DLGAP2: variants seen among roughly 807,000 people sequenced by gnomAD.
The protein encoded by DLGAP2 is disks large-associated protein 2.
Under a neutral mutation model 100.3 loss-of-function variants are expected in DLGAP2, and 26 were observed. That is an observed-to-expected ratio of 0.26 (90% CI 0.19 to 0.36). DLGAP2 has a LOEUF of 0.36. Among genes scored for constraint, DLGAP2 ranks in the 10% least tolerant of loss-of-function variants. The pLI is 1.00. For synonymous variants in DLGAP2, 886 were observed against 630.1 expected, an observed-to-expected ratio of 1.41 and a Z score of -6.08; for missense variants, 1,858 against 1,453.2, an observed-to-expected ratio of 1.28 and a Z score of -4.53.
intron 2 of DLGAP2, among the ~76,000 whole-genome samples, chr8:1,154,938 G>A (rs1383261050): frequency 6.6e-6 from 1 of 152,286 alleles, no homozygotes; most frequent in East Asian, 1.9e-4. Flanking sequence ...TCTTCTTACT[G>A]TTTCTCCTCA....
At chr8:1,420,940 G>A (rs1286690837) in intron 3 of DLGAP2, among the ~76,000 whole-genome samples, 2 of 152,108 alleles carry the variant, frequency 1.3e-5, no homozygotes, top group Non-Finnish European at 2.9e-5. Flanking sequence ...CATTCGATTG[G>A]CTGTTTTGAG....
rs1414869481 is a variant in DLGAP2 at position 1,501,366 on chromosome 8, A to C, written c.107A>C (p.Glu36Ala). The change falls in exon 4 of 15, where the codon GAG (glutamate) becomes GCG (alanine). Residue 36 changes from glutamate to alanine, a missense_variant and splice_region_variant. Glu to Ala is a moderately radical substitution (Grantham distance 107). Transcript: ENST00000637795. ...AGTGACTTTGTTTCTGTCTTTGCAG[A>C]GGAAGAAGCTGGAGACTTGGTCCAG... is the stretch of plus-strand genomic sequence containing the variant. Reference protein sequence around the residue: ...SQCTLCGEPEEEEAGDLVQPG... With the variant: ...SQCTLCGEPEAEEAGDLVQPG... 1 of 1,535,906 alleles carries C rather than the reference A, an allele frequency of 6.5e-7. No homozygotes were observed. Among genetic ancestry groups the C allele is most frequent in the East Asian group, 2.4e-5 (1 of 40,902 alleles).
chr8:1,585,417 T>C (rs965007204), intron 6 of DLGAP2, among the ~76,000 whole-genome samples: 1 of 152,138 alleles, frequency 6.6e-6, no homozygotes, highest in African/African-American at 2.4e-5. Context: ...TGAGCTGAGA[T>C]TGCACCACTG....
At chr8:937,268 T>C (rs190784336) in intron 2 of DLGAP2, among the ~76,000 whole-genome samples, 1 of 152,316 alleles carries the variant, frequency 6.6e-6, no homozygotes, top group Non-Finnish European at 1.5e-5. Flanking sequence ...GGGCATGCTG[T>C]TTCTTATGGA....
intron 2 of DLGAP2, among the ~76,000 whole-genome samples, chr8:1,237,147 C>A (rs1487035730): frequency 7.2e-6 from 1 of 139,626 alleles, no homozygotes; most frequent in African/African-American, 2.9e-5. Context: ...GTCTAGTTCT[C>A]TCACATGGCG....
chr8:975,046 A>C (rs1027719341), intron 2 of DLGAP2, among the ~76,000 whole-genome samples: 30 of 152,338 alleles, frequency 2.0e-4, no homozygotes, highest in African/African-American at 7.2e-4. Context: ...CGAAATCAGA[A>C]ATGAAAGAAG....
chr8:1,024,269 CACCACCCACCCTCCCT>C lies in DLGAP2; in HGVS notation c.73+116304_73+116319del, dbSNP rs1297950776. ...CCCGTGCCGAGGCAGACACCCCAGC[CACCACCCACCCTCCCT>C]GGGGGTGGACAGTCCCGTGCCGAGG... On this transcript the variant is annotated intron_variant, in intron 2 of 14. Coordinates refer to ENST00000637795, the MANE Select transcript of DLGAP2 (RefSeq NM_001346810.2). Among the ~76,000 whole-genome samples the C allele has an allele frequency of 1.6e-3, 223 of 138,698 alleles. 13 individuals are homozygous for C. The highest frequency in any genetic ancestry group is 3.8e-3 in the Admixed American group (52 of 13,750). 91.0% of individuals were successfully genotyped at this position (138,698 alleles called of 152,430 possible). A position where few individuals can be genotyped will look rare whatever the true frequency, so the allele number is the denominator to read the frequency against.
intron 2 of DLGAP2, among the ~76,000 whole-genome samples, chr8:1,244,148 A>G (rs1798857966): frequency 6.6e-6 from 1 of 152,206 alleles, no homozygotes; most frequent in African/African-American, 2.4e-5. Context: ...GGGCTCCTGT[A>G]CATGCCAGAG....
intron 1 of DLGAP2, among the ~76,000 whole-genome samples, chr8:760,445 A>T (rs1279968685): frequency 6.6e-6 from 1 of 152,152 alleles, no homozygotes; most frequent in African/African-American, 2.4e-5. Context: ...GTCCGTCTTC[A>T]AATAATTTCC....
rs1361214275 is a variant in DLGAP2, at chr8:791,123, C to T, written c.18+53298C>T. ...TTTTCTTATTTGCTTAATTTTTCCC[C>T]GAATTTTAAAAATAATGCAAGCACA... On this transcript the variant is annotated intron_variant, in intron 1 of 14. Coordinates refer to ENST00000637795, the MANE Select transcript of DLGAP2 (RefSeq NM_001346810.2). Among the ~76,000 whole-genome samples the T allele has an allele frequency of 7.2e-5, 11 of 152,052 alleles. 1 individual carries two copies. The highest frequency in any genetic ancestry group is 2.7e-4 in the African/African-American group (11 of 41,392).
At chr8:1,142,704 G>T (rs1275905049) in intron 2 of DLGAP2, among the ~76,000 whole-genome samples, 1 of 152,110 alleles carries the variant, frequency 6.6e-6, no homozygotes, top group Non-Finnish European at 1.5e-5. Flanking sequence ...GGGCAGGACG[G>T]GGCTGCCATT....
At chr8:1,339,520 C>A (rs1463207796) in intron 3 of DLGAP2, among the ~76,000 whole-genome samples, 7 of 152,250 alleles carry the variant, frequency 4.6e-5, no homozygotes, top group African/African-American at 7.2e-5. Context: ...TCCCCTGACA[C>A]CCCCAGTGGG....
intron 1 of DLGAP2, among the ~76,000 whole-genome samples, chr8:784,215 T>A (rs1365856864): frequency 6.6e-6 from 1 of 152,230 alleles, no homozygotes; most frequent in Non-Finnish European, 1.5e-5. Flanking sequence ...TCATCAAAAT[T>A]TATAATTATA....
At chr8:1,051,418 T>G (rs1802708147) in intron 2 of DLGAP2, among the ~76,000 whole-genome samples, 1 of 152,090 alleles carries the variant, frequency 6.6e-6, no homozygotes, top group Non-Finnish European at 1.5e-5. Flanking sequence ...TACCCTCAGA[T>G]GCAAAATGAT....
At chr8:749,574 T>G (rs1820740562) in intron 1 of DLGAP2, among the ~76,000 whole-genome samples, 1 of 152,250 alleles carries the variant, frequency 6.6e-6, no homozygotes, top group South Asian at 2.1e-4. Flanking sequence ...ATTAAAACTT[T>G]CCCCTATTGT....
intron 6 of DLGAP2, among the ~76,000 whole-genome samples, chr8:1,606,980 C>T (rs753452596): frequency 6.6e-6 from 1 of 152,168 alleles, no homozygotes; most frequent in South Asian, 2.1e-4. Context: ...CCACAGCACC[C>T]GGCCTCCTGT....
intron 2 of DLGAP2, among the ~76,000 whole-genome samples, chr8:1,207,701 C>T (rs1255568681): frequency 6.6e-6 from 1 of 152,116 alleles, no homozygotes; most frequent in Non-Finnish European, 1.5e-5. Context: ...AGAAGTGTTC[C>T]CTGTTTACCA....
intron 1 of DLGAP2, among the ~76,000 whole-genome samples, chr8:841,736 A>G (rs1392546838): frequency 1.3e-5 from 2 of 152,042 alleles, no homozygotes; most frequent in African/African-American, 4.8e-5. Context: ...GCCGCCCCCC[A>G]CACCCGGCAG....
At chr8:1,412,414 C>T (rs1041482953) in intron 3 of DLGAP2, among the ~76,000 whole-genome samples, 1 of 152,224 alleles carries the variant, frequency 6.6e-6, no homozygotes. Flanking sequence ...CACCCTCTTC[C>T]ATATGATTTG....
Sources: allele counts gnomAD v4.1 joint callset (sites outside exome capture counted in the v4.1 genomes callset), GRCh38; gene constraint gnomAD v4.1.1; transcripts MANE v1.5; gene names NCBI Gene and HGNC (gene_info 2026-07-23, HGNC 2026-07-21).